TTC3: variants seen among roughly 807,000 people sequenced by gnomAD.
The protein encoded by TTC3 is tetratricopeptide repeat domain 3, also known as E3 ubiquitin-protein ligase TTC3.
Under a neutral mutation model 249.6 loss-of-function variants are expected in TTC3, and 180 were observed. That is an observed-to-expected ratio of 0.72 (90% confidence interval 0.64 to 0.82). TTC3 has a LOEUF of 0.82. Among genes scored for constraint, TTC3 ranks in the 40% least tolerant of loss-of-function variants. The pLI is 0.00. For synonymous variants in TTC3, 717 were observed against 805.0 expected, an observed-to-expected ratio of 0.89 and a Z score of 1.85; for missense variants, 2,061 against 2,398.4, an observed-to-expected ratio of 0.86 and a Z score of 2.94.
intron 27 of TTC3, among the ~76,000 whole-genome samples, chr21:37,155,460 A>G (rs2079961301): frequency 6.6e-6 from 1 of 152,274 alleles, no homozygotes; most frequent in South Asian, 2.1e-4. Flanking sequence ...TAAATCTTTT[A>G]TTGTGTGAGT....
Position 37,159,614 on chromosome 21 carries a change from TGAG to T in TTC3, c.2993-81_2993-79del, listed in dbSNP as rs1178342666. Reference sequence around the variant, plus strand: ...TAGAACATGGCCTATGCCAGTAGTATGAGGAGTTATTTTAAGGCTTTAGTGTAC... The same window carrying T: ...TAGAACATGGCCTATGCCAGTAGTATGAGTTATTTTAAGGCTTTAGTGTAC... On this transcript the variant is annotated intron_variant, in intron 28 of 45. Coordinates refer to ENST00000355666, the Ensembl canonical transcript of TTC3. The T allele has an allele frequency of 1.2e-5, 17 of 1,413,364 alleles. No homozygotes were observed. The Admixed American group carries it at 3.2e-4, about 27-fold the overall frequency. The allele number at this position is 1,413,364 out of a possible 1,614,324, so 87.6% of individuals were successfully genotyped here.
chr21:37,155,888 T>A (rs2080012824), intron 27 of TTC3, among the ~76,000 whole-genome samples: 1 of 152,218 alleles, frequency 6.6e-6, no homozygotes, highest in Non-Finnish European at 1.5e-5. Context: ...GGAATGGGTT[T>A]ACCCATTTCC....
At chr21:37,093,695 G>A (rs2073590042) in intron 7 of TTC3, among the ~76,000 whole-genome samples, 2 of 152,144 alleles carry the variant, frequency 1.3e-5, no homozygotes, top group East Asian at 1.9e-4. Context: ...TTATGACAGA[G>A]CATTTATTGT....
At chr21:37,124,588 T>C in intron 13 of TTC3, 31 bp from the exon 14 acceptor site, 1 of 1,600,100 alleles carries the variant, frequency 6.2e-7, no homozygotes. Flanking sequence ...TTTCAAAAAA[T>C]GTATAATAAT....
At chr21:37,167,443 G>GAAA in intron 33 of TTC3, 112 bp from the exon 34 acceptor site, 3 of 634,314 alleles carry the variant, frequency 4.7e-6, no homozygotes, top group South Asian at 1.9e-5. Flanking sequence ...ATCTAAATGG[G>GAAA]AAAAAAAACT....
At chr21:37,177,171 G>A (rs1034265807) in intron 35 of TTC3, among the ~76,000 whole-genome samples, 1 of 152,004 alleles carries the variant, frequency 6.6e-6, no homozygotes, top group African/African-American at 2.4e-5. Context: ...GGGATGACTG[G>A]GACAACTAGC....
At chr21:37,193,221 C>T (rs544636123) in intron 41 of TTC3, among the ~76,000 whole-genome samples, 1 of 49,698 alleles carries the variant, frequency 2.0e-5, no homozygotes, top group Admixed American at 2.7e-4. Flanking sequence ...CCTGCCTTCC[C>T]CTGAAACCCC....
intron 1 of TTC3, among the ~76,000 whole-genome samples, chr21:37,075,692 ATTTATCTC>A (rs1250715821): frequency 6.6e-6 from 1 of 152,128 alleles, no homozygotes; most frequent in Non-Finnish European, 1.5e-5. Flanking sequence ...CAGCCTATGG[ATTTATCTC>A]TTATAGCTAA....
chr21:37,110,812 C>T (rs963513931), intron 11 of TTC3, among the ~76,000 whole-genome samples: 6 of 152,032 alleles, frequency 3.9e-5, no homozygotes, highest in African/African-American at 1.2e-4. Context: ...AGAGAAAGGT[C>T]GGGTTACCCA....
intron 1 of TTC3, chr21:37,083,893 T>C (rs1423706606): frequency 6.6e-6 from 1 of 152,094 alleles, no homozygotes; most frequent in African/African-American, 2.4e-5. Flanking sequence ...TATGAGATAA[T>C]TTAAACTGGT....
chr21:37,152,042 CA>C lies in TTC3; in HGVS notation c.2413+16del. ...GAAGAGCAGAAAGGTATGCAGAAGC[CA>C]AAGGCATGATAAGAATAATATACTC... On this transcript the variant is annotated intron_variant, in intron 26 of 45. Coordinates refer to ENST00000355666, the Ensembl canonical transcript of TTC3. 6.4e-7 allele frequency: 1 copy of C among 1,559,648 alleles called. No individual in the cohort carries two copies. The highest frequency in any genetic ancestry group is 1.2e-5 in the South Asian group (1 of 80,646).
intron 45 of TTC3, among the ~76,000 whole-genome samples, chr21:37,200,820 C>T (rs1236094303): frequency 1.3e-5 from 2 of 152,154 alleles, no homozygotes; most frequent in Admixed American, 6.5e-5. Context: ...TTTGTGTGCA[C>T]CCCTGCTGCT....
chr21:37,076,534 T>C (rs919200995), intron 1 of TTC3, among the ~76,000 whole-genome samples: 1 of 152,148 alleles, frequency 6.6e-6, no homozygotes, highest in African/African-American at 2.4e-5. Flanking sequence ...AGGTACTCTT[T>C]CCTAAAAATG....
chr21:37,107,500 T>C lies in TTC3; in HGVS notation c.846-892T>C, dbSNP rs1268198709. On this transcript the variant is annotated intron_variant, in intron 10 of 45. Transcript: ENST00000355666. Reference sequence around the variant, plus strand: ...GTGGTATGGATCTGTTAGTTCTTGATAGGTTATGAAAGTACATTTAATAAT... The same window carrying C: ...GTGGTATGGATCTGTTAGTTCTTGACAGGTTATGAAAGTACATTTAATAAT... Among the ~76,000 whole-genome samples, 3 of 152,192 alleles carry C rather than the reference T, an allele frequency of 2.0e-5. No individual in the cohort carries two copies. The East Asian group carries it at 5.8e-4, about 29-fold the overall frequency.
At chr21:37,152,007 A>G (rs781192760) in exon 26 of TTC3, 28 of 1,592,926 alleles carry the variant, frequency 1.8e-5, no homozygotes, top group Middle Eastern at 1.7e-4. Flanking sequence ...AAAGTAATCC[A>G]CCCAAAAATG....
intron 5 of TTC3, among the ~76,000 whole-genome samples, chr21:37,089,591 G>A (rs1297395478): frequency 6.6e-6 from 1 of 152,102 alleles, no homozygotes; most frequent in Non-Finnish European, 1.5e-5. Context: ...TTGGCTCACT[G>A]CCATCTTCGC....
intron 3 of TTC3, 143 bp downstream of exon 3, chr21:37,088,018 C>T: frequency 2.1e-6 from 2 of 959,866 alleles, no homozygotes; most frequent in Admixed American, 3.1e-5. Context: ...CAGAACTTTT[C>T]TTTGTTAAAA....
intron 27 of TTC3, among the ~76,000 whole-genome samples, chr21:37,153,751 C>T (rs1367348893): frequency 6.6e-6 from 1 of 152,140 alleles, no homozygotes; most frequent in Non-Finnish European, 1.5e-5. Context: ...ATAACACATC[C>T]TGGAGTCTGC....
intron 16 of TTC3, among the ~76,000 whole-genome samples, chr21:37,132,213 C>T (rs1391402135): frequency 6.6e-6 from 1 of 152,114 alleles, no homozygotes; most frequent in Non-Finnish European, 1.5e-5. Flanking sequence ...CAAAGAATGG[C>T]CAACTTGTAT....
Sources: allele counts gnomAD v4.1 joint callset (sites outside exome capture counted in the v4.1 genomes callset), GRCh38; gene constraint gnomAD v4.1.1; transcripts MANE v1.5; gene names NCBI Gene and HGNC (gene_info 2026-07-23, HGNC 2026-07-21).